SEC61A2: variants seen among roughly 807,000 people sequenced by gnomAD.
The protein encoded by SEC61A2 is protein transport protein Sec61 subunit alpha isoform 2.
A neutral mutation model predicts 59.9 loss-of-function variants in SEC61A2; 28 were observed. That is an observed-to-expected ratio of 0.47 (90% CI 0.35 to 0.64). SEC61A2 has a LOEUF of 0.64. Ranked by LOEUF, SEC61A2 falls within the 30% of genes least tolerant of loss-of-function variation. The pLI is 0.01. For synonymous variants in SEC61A2, 202 were observed against 214.4 expected (o/e 0.94, Z 0.50); for missense variants, 340 against 585.9 (o/e 0.58, Z 4.33).
chr10:12,151,002 C>T (rs1470357092), intron 6 of SEC61A2, among the ~76,000 whole-genome samples: 1 of 151,894 alleles, frequency 6.6e-6, no homozygotes, highest in African/African-American at 2.4e-5. Flanking sequence ...GTGTTGAACT[C>T]CTGACCTCGT....
rs757177300 is a variant in SEC61A2 at position 12,164,444 on chromosome 10, T to G, written c.1421T>G (p.Leu474Trp). 6.2e-7 allele frequency: 1 copy of G among 1,610,198 alleles called. No individual in the cohort carries two copies. The highest frequency in any genetic ancestry group is 8.5e-7 in the Non-Finnish European group (1 of 1,178,428). The change falls in exon 12 of 12, where the codon TTG becomes TGG. Residue 474 changes from leucine (L) to tryptophan (W), a missense_variant. Physicochemically the swap from Leu to Trp is moderately conservative, Grantham distance 61 (BLOSUM62 -2). Coordinates refer to ENST00000298428, the MANE Select transcript of SEC61A2 (RefSeq NM_018144.4). The surrounding 1 kb of genome is among the most constrained non-coding windows in gnomAD (Gnocchi z 7.3). The stretch of plus-strand genomic sequence containing the variant: ...GCCGAAGTTGGTGGGATGGGTGCTT[T>G]GTTTTTCTAAATGTTCAAATATTTC... ...EQAEVGGMGALFF is the reference protein window; with the variant it reads ...EQAEVGGMGAWFF
At chr10:12,134,726 G>A (rs1368220847) in intron 2 of SEC61A2, among the ~76,000 whole-genome samples, 3 of 151,992 alleles carry the variant, frequency 2.0e-5, no homozygotes, top group Non-Finnish European at 4.4e-5. Flanking sequence ...GACCATCCTT[G>A]CCAACATGGT....
At position 12,160,043 on chromosome 10, in the gene SEC61A2, G is replaced by A. The variant is rs565018049; in HGVS notation, c.976-887G>A. On this transcript the variant is annotated intron_variant, in intron 9 of 11. Transcript: ENST00000298428. This position sits in a 1 kb window ranked among gnomAD's most constrained non-coding sequence, Gnocchi z 4.1. ...GTTGTATTCTGGCTAATATTATATC[G>A]AGGACAGGAAAGTCAAGAGACAGGA... is the stretch of plus-strand genomic sequence containing the variant. Among the ~76,000 whole-genome samples the A allele has an allele frequency of 6.6e-6, 1 of 151,986 alleles. No homozygotes were observed. The highest frequency in any genetic ancestry group is 2.4e-5 in the African/African-American group (1 of 41,434).
chr10:12,164,934 T>TGCC lies in SEC61A2; in HGVS notation c.*480_*481insGCC. ...CTTTTTTAACTCATGGTATCCCCAC[T>TGCC]CCCCACCCCCACCTCATTTTTATTT... is the stretch of plus-strand genomic sequence containing the variant. On this transcript the variant is annotated 3_prime_UTR_variant, in exon 12 of 12. Transcript: ENST00000298428. This position sits in a 1 kb window ranked among gnomAD's most constrained non-coding sequence, Gnocchi z 7.3. The TGCC allele has an allele frequency of 1.0e-6, 1 of 973,810 alleles. No individual in the cohort carries two copies. Among genetic ancestry groups the TGCC allele is most frequent in the Non-Finnish European group, 1.2e-6 (1 of 819,502 alleles). 60.3% of individuals were successfully genotyped at this position (973,810 alleles called of 1,614,324 possible).
At position 12,143,293 on chromosome 10, in the gene SEC61A2, G is replaced by A; in HGVS notation, c.220+98G>A. On this transcript the variant is annotated intron_variant, in intron 4 of 11. Coordinates refer to ENST00000298428, the MANE Select transcript of SEC61A2 (RefSeq NM_018144.4). This position sits in a 1 kb window ranked among gnomAD's most constrained non-coding sequence, Gnocchi z 4.8. ...TTTTCAATGTCTACAGGGAGGGGGA[G>A]GATATCATTGCCTAGAAAAGCCTAG... 5 of 852,522 alleles carry A rather than the reference G, an allele frequency of 5.9e-6. No individual in the cohort carries two copies. The highest frequency in any genetic ancestry group is 8.1e-6 in the Non-Finnish European group (4 of 496,762). 52.8% of individuals were successfully genotyped at this position (852,522 alleles called of 1,614,324 possible). A position where few individuals can be genotyped will look rare whatever the true frequency, so the allele number is the denominator to read the frequency against.
At chr10:12,131,777 C>G (rs73579277) in intron 1 of SEC61A2, among the ~76,000 whole-genome samples, 135,930 of 136,012 alleles carry the variant, frequency 1, 67,924 homozygotes, top group Middle Eastern at 1. Flanking sequence ...TGCAAGCTCC[C>G]CCTCCTGGGG....
Position 12,143,056 on chromosome 10 carries a change from G to A in SEC61A2, c.142-61G>A. On this transcript the variant is annotated intron_variant, in intron 3 of 11. Transcript: ENST00000298428. This position sits in a 1 kb window ranked among gnomAD's most constrained non-coding sequence, Gnocchi z 4.8. ...CAGCCTTTGCCTCCTGGGTTCAAGC[G>A]ATTCTTATGCCTCAGCCTTATATAA... 2.0e-5 allele frequency: 27 copies of A among 1,320,360 alleles called. No homozygotes were observed. The highest frequency in any genetic ancestry group is 2.6e-5 in the Non-Finnish European group (24 of 915,110). The allele number at this position is 1,320,360 out of a possible 1,614,324, so 81.8% of individuals were successfully genotyped here.
intron 2 of SEC61A2, among the ~76,000 whole-genome samples, chr10:12,135,328 T>C (rs1833860823): frequency 6.6e-6 from 1 of 151,848 alleles, no homozygotes; most frequent in South Asian, 2.1e-4. Flanking sequence ...AAAACAATAA[T>C]AATAAAATAA....
intron 3 of SEC61A2, among the ~76,000 whole-genome samples, chr10:12,139,917 C>T (rs976094647): frequency 6.4e-4 from 94 of 146,024 alleles, no homozygotes; most frequent in Non-Finnish European, 1.2e-3. Context: ...TGCAGTGAGC[C>T]GAGATCCCGC....
Position 12,158,858 on chromosome 10 carries a change from G to A in SEC61A2, c.975+753G>A, listed in dbSNP as rs12252219. Among the ~76,000 whole-genome samples the A allele has an allele frequency of 0.99, 151,372 of 152,378 alleles. 75,198 individuals are homozygous for A. The highest frequency in any genetic ancestry group is 1 in the Middle Eastern group (294 of 294). On this transcript the variant is annotated intron_variant, in intron 9 of 11. Transcript: ENST00000298428. The surrounding 1 kb of genome is among the most constrained non-coding windows in gnomAD (Gnocchi z 5.7). Reference sequence around the variant, plus strand: ...TTTTTCATGGTCTGAATGGCAATAAGCCAGCTTGTGATGAGCTGGGCTAGA... The same window carrying A: ...TTTTTCATGGTCTGAATGGCAATAAACCAGCTTGTGATGAGCTGGGCTAGA...
chr10:12,169,762 A>T (rs1054067), downstream of SEC61A2: 101,666 of 237,076 alleles, frequency 0.43, 22,101 homozygotes, highest in East Asian at 0.53. The surrounding 1 kb of genome is among the most constrained non-coding windows in gnomAD (Gnocchi z 4.8). Flanking sequence ...ACAACAGACA[A>T]TTCAAAACCA....
At position 12,160,870 on chromosome 10, in the gene SEC61A2, T is replaced by C. The variant is rs948960984; in HGVS notation, c.976-60T>C. 7.1e-7 allele frequency: 1 copy of C among 1,407,722 alleles called. No homozygotes were observed. Among genetic ancestry groups the C allele is most frequent in the Non-Finnish European group, 9.8e-7 (1 of 1,025,148 alleles). 87.2% of individuals were successfully genotyped at this position (1,407,722 alleles called of 1,614,324 possible). A position where few individuals can be genotyped will look rare whatever the true frequency, so the allele number is the denominator to read the frequency against. ...CATTTCTGAGAAGTTTGAAGTGACA[T>C]GCAAATGTATTCCTGACTAATTAGG... On this transcript the variant is annotated intron_variant, in intron 9 of 11. Transcript: ENST00000298428. The surrounding 1 kb of genome is among the most constrained non-coding windows in gnomAD (Gnocchi z 4.1).
chr10:12,134,297 G>A (rs564267226), intron 2 of SEC61A2, among the ~76,000 whole-genome samples: 5 of 152,290 alleles, frequency 3.3e-5, no homozygotes, highest in South Asian at 2.1e-4. Context: ...GTGAGCCACC[G>A]CGCCCGGCTA....
At position 12,143,316 on chromosome 10, in the gene SEC61A2, T is replaced by G. The variant is rs1379654828; in HGVS notation, c.220+121T>G. The G allele has an allele frequency of 1.3e-6, 1 of 754,134 alleles. No individual in the cohort carries two copies. Among genetic ancestry groups the G allele is most frequent in the East Asian group, 2.5e-5 (1 of 40,706 alleles). 46.7% of individuals were successfully genotyped at this position (754,134 alleles called of 1,614,324 possible). Reference sequence around the variant, plus strand: ...GAGGATATCATTGCCTAGAAAAGCCTAGTATGTAGATAATGACAACACCGT... The same window carrying G: ...GAGGATATCATTGCCTAGAAAAGCCGAGTATGTAGATAATGACAACACCGT... On this transcript the variant is annotated intron_variant, in intron 4 of 11. Coordinates refer to ENST00000298428, the MANE Select transcript of SEC61A2 (RefSeq NM_018144.4). The surrounding 1 kb of genome is among the most constrained non-coding windows in gnomAD (Gnocchi z 4.8).
rs1588646072 is a variant in SEC61A2 at position 12,160,965 on chromosome 10, A to G, written c.1011A>G (p.Pro337=). The G allele has an allele frequency of 6.2e-7, 1 of 1,614,042 alleles. No individual in the cohort carries two copies. The highest frequency in any genetic ancestry group is 1.7e-5 in the Admixed American group (1 of 59,990). Residue 337 remains proline, a synonymous_variant, in exon 10 of 12, where the codon CCA becomes CCG. Coordinates refer to ENST00000298428, the MANE Select transcript of SEC61A2 (RefSeq NM_018144.4). The surrounding 1 kb of genome is among the most constrained non-coding windows in gnomAD (Gnocchi z 4.1). ...GGGGAGGACCCGCACGTTCTTACCC[A>G]GTTGGAGGCCTTTGTTACTATCTTT... ...VSGGGPARSY[P]VGGLCYYLSP...
chr10:12,163,587 G>C (rs766255243), intron 11 of SEC61A2, among the ~76,000 whole-genome samples: 8 of 152,072 alleles, frequency 5.3e-5, no homozygotes, highest in African/African-American at 1.7e-4. Flanking sequence ...CTCCCAAAGT[G>C]TTGGGATTAC....
chr10:12,155,665 G>A lies in SEC61A2; in HGVS notation c.463-113G>A. ...TTGGTCATCACAGTGAGATTGCAACGATCAGGCCTTAATATTCAAAACGCC... is the reference window on the plus strand; with the variant it reads ...TTGGTCATCACAGTGAGATTGCAACAATCAGGCCTTAATATTCAAAACGCC... On this transcript the variant is annotated intron_variant, in intron 6 of 11. Coordinates refer to ENST00000298428, the MANE Select transcript of SEC61A2 (RefSeq NM_018144.4). This position sits in a 1 kb window ranked among gnomAD's most constrained non-coding sequence, Gnocchi z 4.3. 7 of 1,231,120 alleles carry A rather than the reference G, an allele frequency of 5.7e-6. No individual in the cohort carries two copies. The highest frequency in any genetic ancestry group is 4.1e-5 in the South Asian group (3 of 73,718). The allele number at this position is 1,231,120 out of a possible 1,614,324, so 76.3% of individuals were successfully genotyped here.
At chr10:12,167,638 CAA>C (rs888218284), downstream of SEC61A2, 84 of 1,466,056 alleles carry the variant, frequency 5.7e-5, no homozygotes, top group Non-Finnish European at 7.2e-5. Context: ...AAGTTGAATA[CAA>C]AGTCTTAGTG....
downstream of SEC61A2, among the ~76,000 whole-genome samples, chr10:12,169,074 C>A (rs1344225023): frequency 6.6e-6 from 1 of 152,092 alleles, no homozygotes; most frequent in African/African-American, 2.4e-5. This position sits in a 1 kb window ranked among gnomAD's most constrained non-coding sequence, Gnocchi z 4.8. Context: ...GCAAACTGAT[C>A]TTAAAATGTA....
Sources: allele counts gnomAD v4.1 joint callset (sites outside exome capture counted in the v4.1 genomes callset), GRCh38; gene constraint gnomAD v4.1.1; non-coding constraint Gnocchi (gnomAD v3.1); transcripts MANE v1.5; gene names NCBI Gene and HGNC (gene_info 2026-07-23, HGNC 2026-07-21).